The following ERCC6L2 variants were observed in gnomAD, a reference collection of about 807,000 sequenced individuals.
ERCC6L2 encodes ERCC excision repair 6 like 2.
In ERCC6L2, 77 loss-of-function variants were observed where a neutral mutation model predicts 132.0. That is an observed-to-expected ratio of 0.58 (90% CI 0.49 to 0.71). The LOEUF is 0.71. ERCC6L2 is among the 30% of genes least tolerant of loss of function. The pLI is 0.00. For synonymous variants in ERCC6L2, 583 were observed against 632.4 expected (o/e 0.92, Z 1.17); for missense variants, 1,542 against 1,837.6 (o/e 0.84, Z 2.94).
chr9:96,009,583 C>T (rs1399106929), intron 18 of ERCC6L2, among the ~76,000 whole-genome samples: 2 of 152,132 alleles, frequency 1.3e-5, no homozygotes, highest in Non-Finnish European at 2.9e-5. Flanking sequence ...TCTTTGGTTT[C>T]TTTTTTTCCC....
At chr9:95,956,806 G>A (rs1831626385) in intron 13 of ERCC6L2, among the ~76,000 whole-genome samples, 4 of 152,152 alleles carry the variant, frequency 2.6e-5, no homozygotes, top group Admixed American at 2.6e-4. Flanking sequence ...GGGGATTATG[G>A]GAACTGTAAT....
rs1326336091 is a variant in ERCC6L2 at position 96,015,685 on chromosome 9, C to T, written c.*2482C>T. Among the ~76,000 whole-genome samples, 20 of 150,804 alleles carry T rather than the reference C, an allele frequency of 1.3e-4. No individual in the cohort carries two copies. In the Middle Eastern group the frequency reaches 0.01, roughly 79 times the overall value. On this transcript the variant is annotated 3_prime_UTR_variant, in exon 19 of 19. Transcript: ENST00000653738. The stretch of plus-strand genomic sequence containing the variant: ...AGGCGTGGTGGTGGGCGCCTGTAGT[C>T]CCAGCTACTCGGGAGGCTGAGGCAG...
intron 12 of ERCC6L2, among the ~76,000 whole-genome samples, chr9:95,943,915 A>T (rs1404103728): frequency 6.6e-6 from 1 of 152,214 alleles, no homozygotes; most frequent in African/African-American, 2.4e-5. Flanking sequence ...TGCATTGTTG[A>T]TGGAAATGTC....
At position 95,981,552 on chromosome 9, in the gene ERCC6L2, A is replaced by G. The variant is rs963261475; in HGVS notation, c.3492+3337A>G. 3.9e-5 allele frequency among the ~76,000 whole-genome samples: 6 copies of G among 152,326 alleles called. No homozygotes were observed. In the South Asian group the frequency reaches 8.3e-4, roughly 21 times the overall value. Reference sequence around the variant, plus strand: ...ACATTTTGCCTTAAATTGTATTTTGATATTTTAGAACCATTTCTGAAAACA... The same window carrying G: ...ACATTTTGCCTTAAATTGTATTTTGGTATTTTAGAACCATTTCTGAAAACA... On this transcript the variant is annotated intron_variant, in intron 17 of 18. Transcript: ENST00000653738.
intron 17 of ERCC6L2, among the ~76,000 whole-genome samples, chr9:96,001,119 T>A (rs1263708596): frequency 6.6e-6 from 1 of 152,058 alleles, no homozygotes; most frequent in East Asian, 1.9e-4. Context: ...GTGGTCTCGC[T>A]GGGCTCAGGA....
At chr9:95,954,853 C>T in intron 12 of ERCC6L2, 1 of 471,120 alleles carries the variant, frequency 2.1e-6, no homozygotes, top group Non-Finnish European at 4.4e-6. Context: ...GCCTCCATTT[C>T]CTGCTGGAGA....
At chr9:95,996,428 A>T (rs1171014908) in intron 17 of ERCC6L2, among the ~76,000 whole-genome samples, 1 of 152,258 alleles carries the variant, frequency 6.6e-6, no homozygotes, top group Non-Finnish European at 1.5e-5. Context: ...CCTAGCTAAG[A>T]TCACTGATGA....
intron 1 of ERCC6L2, among the ~76,000 whole-genome samples, chr9:95,878,118 A>G (rs1157912800): frequency 2.0e-5 from 3 of 152,324 alleles, no homozygotes; most frequent in East Asian, 1.9e-4. Flanking sequence ...ATGCTTTAAG[A>G]CAGAGGTCTG....
Position 95,923,378 on chromosome 9 carries a change from A to G in ERCC6L2, c.1532A>G (p.Lys511Arg), listed in dbSNP as rs1190879439. ...LSDPKYSGKMKVLQQLLNHCR... is the reference protein window; with the variant it reads ...LSDPKYSGKMRVLQQLLNHCR... ...GACCCTAAATACAGTGGAAAAATGA[A>G]GGTAAGTGCTCCTCTTTCAGGTTGC... Residue 511 changes from lysine (K) to arginine (R), a missense_variant and splice_region_variant, in exon 9 of 19, where the codon AAG becomes AGG. Physicochemically the swap from Lys to Arg is conservative, Grantham distance 26 (BLOSUM62 2). Coordinates refer to ENST00000653738, the MANE Select transcript of ERCC6L2 (RefSeq NM_020207.7). The G allele has an allele frequency of 6.2e-7, 1 of 1,613,100 alleles. No homozygotes were observed. The highest frequency in any genetic ancestry group is 1.1e-5 in the South Asian group (1 of 90,940).
At chr9:95,895,762 C>G (rs1353566325) in intron 2 of ERCC6L2, among the ~76,000 whole-genome samples, 3 of 143,596 alleles carry the variant, frequency 2.1e-5, no homozygotes, top group Non-Finnish European at 3.0e-5. Context: ...GAGTCTTGCT[C>G]TGTTGCCCAG....
chr9:95,899,590 T>TTATATATATATATA (rs150595611), intron 3 of ERCC6L2, among the ~76,000 whole-genome samples: 51 of 138,464 alleles, frequency 3.7e-4, no homozygotes, highest in African/African-American at 1.4e-3. Flanking sequence ...TTTTTTCTCT[T>TTATATATATATATA]TATATATATA....
chr9:95,942,825 T>TA (rs1472099220), intron 12 of ERCC6L2, among the ~76,000 whole-genome samples: 1 of 152,068 alleles, frequency 6.6e-6, no homozygotes, highest in Non-Finnish European at 1.5e-5. Context: ...AGAGAAAACA[T>TA]ACATGTTAGT....
chr9:95,941,671 G>C (rs544727686), intron 12 of ERCC6L2, 122 bp downstream of exon 12: 2 of 691,676 alleles, frequency 2.9e-6, no homozygotes, highest in Non-Finnish European at 4.8e-6. Flanking sequence ...TGGTAAAAAC[G>C]TACATTTAAT....
intron 8 of ERCC6L2, 116 bp downstream of exon 8, chr9:95,922,534 G>A (rs1829919177): frequency 3.1e-6 from 2 of 653,374 alleles, no homozygotes; most frequent in African/African-American, 1.9e-5. Context: ...AAACTGATTT[G>A]CTTATTTTTA....
intron 2 of ERCC6L2, among the ~76,000 whole-genome samples, chr9:95,884,021 ATTTAC>A (rs752771586): frequency 8.5e-5 from 13 of 152,168 alleles, no homozygotes; most frequent in Admixed American, 1.3e-4. Flanking sequence ...TTACAAAGAA[ATTTAC>A]TTTATTTTAC....
chr9:95,938,673 C>T (rs1165567614), intron 11 of ERCC6L2, among the ~76,000 whole-genome samples: 5 of 151,988 alleles, frequency 3.3e-5, no homozygotes, highest in African/African-American at 1.2e-4. Flanking sequence ...CCTGGTATAT[C>T]TTTTATCATC....
At chr9:95,927,557 T>C (rs1321600249) in intron 9 of ERCC6L2, among the ~76,000 whole-genome samples, 1 of 152,154 alleles carries the variant, frequency 6.6e-6, no homozygotes, top group African/African-American at 2.4e-5. Flanking sequence ...CAGAGCTTAC[T>C]GTAAATAGAG....
At chr9:96,029,717 C>T (rs1360210920) in intron 19 of ERCC6L2, among the ~76,000 whole-genome samples, 1 of 152,228 alleles carries the variant, frequency 6.6e-6, no homozygotes, top group Non-Finnish European at 1.5e-5. Flanking sequence ...AACATCTGCA[C>T]GCACAATCTT....
At chr9:95,970,797 G>A in intron 15 of ERCC6L2, 141 bp downstream of exon 15, 1 of 405,686 alleles carries the variant, frequency 2.5e-6, no homozygotes, top group Non-Finnish European at 4.1e-6. Flanking sequence ...GAGGACTATG[G>A]ATAAAATTAA....
Sources: gnomAD v4.1 joint callset for allele counts (sites outside exome capture counted in the v4.1 genomes callset) on GRCh38, gnomAD v4.1.1 for gene constraint, MANE v1.5 for transcripts, NCBI Gene and HGNC (gene_info 2026-07-23, HGNC 2026-07-21) for gene names.